The following CNTNAP3 variants were observed in gnomAD, a reference collection of about 807,000 sequenced individuals.
The protein encoded by CNTNAP3 is contactin-associated protein-like 3.
Under a neutral mutation model 92.1 loss-of-function variants are expected in CNTNAP3, and 36 were observed. That is an observed-to-expected ratio of 0.39 (90% CI 0.30 to 0.52). CNTNAP3 has a LOEUF of 0.52. Ranked by LOEUF, CNTNAP3 falls within the 20% of genes least tolerant of loss-of-function variation. The pLI is 0.76. For missense variants in CNTNAP3, 534 were observed against 1,069.6 expected (o/e 0.50, Z 6.98); for synonymous variants, 232 against 422.3 (o/e 0.55, Z 5.53).
In CNTNAP3 at chr9:39,132,927, C is replaced by T. The variant is rs770712561; in HGVS notation, c.2080+5G>A. On this transcript the variant is annotated splice_donor_5th_base_variant and intron_variant, in intron 13 of 23. Transcript: ENST00000297668. ...ACCCCTGTAGCCTCCAGGAGTGGCGCTTACCTCGTGAGTCCGGGCGCCGCG... is the reference window on the plus strand; with the variant it reads ...ACCCCTGTAGCCTCCAGGAGTGGCGTTTACCTCGTGAGTCCGGGCGCCGCG... The T allele has an allele frequency of 1.2e-5, 18 of 1,542,974 alleles. No individual in the cohort carries two copies. In the East Asian group the frequency reaches 4.1e-4, roughly 35 times the overall value.
Position 39,149,937 on chromosome 9 carries a change from G to A in CNTNAP3, c.1518C>T (p.Pro506=), listed in dbSNP as rs1452574312. Residue 506 remains proline, a synonymous_variant, in exon 10 of 24, where the codon CCC becomes CCT. Coordinates refer to ENST00000297668, the MANE Select transcript of CNTNAP3 (RefSeq NM_033655.5). ...TTAGGCAGCCCTGAAACCCTCCCAGGGGGCTTTTACATCCAGAGCCAGAGC... is the reference window on the plus strand; with the variant it reads ...TTAGGCAGCCCTGAAACCCTCCCAGAGGGCTTTTACATCCAGAGCCAGAGC... ...DNSSGSGCKS[P]LGGFQGCLRL... The A allele has an allele frequency of 6.2e-6, 10 of 1,611,552 alleles. No homozygotes were observed. The highest frequency in any genetic ancestry group is 3.3e-5 in the Admixed American group (2 of 59,944).
chr9:39,082,138 A>G (rs1401549680), intron 21 of CNTNAP3, among the ~76,000 whole-genome samples: 1 of 151,346 alleles, frequency 6.6e-6, no homozygotes, highest in Non-Finnish European at 1.5e-5. Flanking sequence ...TAAAATGTAA[A>G]ATTTAGTCCC....
At position 39,087,687 on chromosome 9, in the gene CNTNAP3, T is replaced by C. The variant is rs567412945; in HGVS notation, c.3220+736A>G. On this transcript the variant is annotated intron_variant, in intron 19 of 23. Transcript: ENST00000297668. The stretch of plus-strand genomic sequence containing the variant: ...ATTTTTAGTAGAGATGGGGTTTCAC[T>C]GTGTTAGCCAGGATGGTCTCGATTT... Among the ~76,000 whole-genome samples the C allele has an allele frequency of 9.5e-3, 1,404 of 148,046 alleles. 20 individuals are homozygous for C. Among genetic ancestry groups the C allele is most frequent in the African/African-American group, 0.027 (1,085 of 40,544 alleles).
At chr9:39,087,805 T>G (rs1257053767) in intron 19 of CNTNAP3, among the ~76,000 whole-genome samples, 2 of 152,100 alleles carry the variant, frequency 1.3e-5, no homozygotes, top group East Asian at 3.9e-4. Flanking sequence ...ATTTTGTAGA[T>G]TTTTTTCTAG....
chr9:39,066,774 G>T lies in CNTNAP3; in HGVS notation c.*7116C>A, dbSNP rs903338955. Among the ~76,000 whole-genome samples the T allele has an allele frequency of 1.3e-5, 2 of 152,304 alleles. No homozygotes were observed. The highest frequency in any genetic ancestry group is 4.8e-5 in the African/African-American group (2 of 41,486). Reference sequence around the variant, plus strand: ...TGTTTTTCTTCTCTGTGTAAGACTTGTCTTTTTCTCTTTACCACACTGAGT... The same window carrying T: ...TGTTTTTCTTCTCTGTGTAAGACTTTTCTTTTTCTCTTTACCACACTGAGT... On this transcript the variant is annotated 3_prime_UTR_variant, in exon 24 of 24. Transcript: ENST00000297668.
chr9:39,076,375 T>A (rs1461365181), intron 23 of CNTNAP3, among the ~76,000 whole-genome samples: 2 of 152,304 alleles, frequency 1.3e-5, no homozygotes, highest in Non-Finnish European at 2.9e-5. Context: ...TAGGATTGGA[T>A]TTGATTTAAA....
intron 10 of CNTNAP3, among the ~76,000 whole-genome samples, chr9:39,147,856 G>A (rs138919885): frequency 0.03 from 4,626 of 152,266 alleles, 126 homozygotes; most frequent in South Asian, 0.11. Flanking sequence ...TCTGAAAAGA[G>A]GCAGCCTCAC....
chr9:39,094,072 G>T (rs1826274429), intron 18 of CNTNAP3, among the ~76,000 whole-genome samples: 1 of 151,124 alleles, frequency 6.6e-6, no homozygotes, highest in African/African-American at 2.4e-5. Context: ...CAATCTAGTA[G>T]GTTTGAAGAG....
At position 39,065,193 on chromosome 9, in the gene CNTNAP3, G is replaced by T. The variant is rs1387856180; in HGVS notation, c.*8697C>A. On this transcript the variant is annotated 3_prime_UTR_variant, in exon 24 of 24. Coordinates refer to ENST00000297668, the MANE Select transcript of CNTNAP3 (RefSeq NM_033655.5). ...GGTAACTACTGATACAATTTCTACT[G>T]CTATATCTTAGTTTCGCTTGTTCTA... Among the ~76,000 whole-genome samples, 2 of 152,214 alleles carry T rather than the reference G, an allele frequency of 1.3e-5. No individual in the cohort carries two copies. Among genetic ancestry groups the T allele is most frequent in the Non-Finnish European group, 2.9e-5 (2 of 67,996 alleles).
In CNTNAP3 at chr9:39,065,643, A is replaced by G. The variant is rs1825494163; in HGVS notation, c.*8247T>C. Among the ~76,000 whole-genome samples, 1 of 152,218 alleles carries G rather than the reference A, an allele frequency of 6.6e-6. No homozygotes were observed. Among genetic ancestry groups the G allele is most frequent in the South Asian group, 2.1e-4 (1 of 4,832 alleles). ...ATTCTCAACAACACGTGGTACTGAC[A>G]ATATTTTTAATCATAACCATTTTAG... On this transcript the variant is annotated 3_prime_UTR_variant, in exon 24 of 24. Transcript: ENST00000297668.
At chr9:39,143,331 G>A (rs1821621673) in intron 11 of CNTNAP3, among the ~76,000 whole-genome samples, 1 of 152,092 alleles carries the variant, frequency 6.6e-6, no homozygotes, top group Non-Finnish European at 1.5e-5. Flanking sequence ...CATCTCCAGC[G>A]ATTCTGATTT....
chr9:39,125,251 C>T (rs924334204), intron 13 of CNTNAP3, among the ~76,000 whole-genome samples: 31 of 151,980 alleles, frequency 2.0e-4, no homozygotes, highest in African/African-American at 6.5e-4. Context: ...AGCAAACTAC[C>T]GCAAGGACAA....
At chr9:39,095,406 T>C (rs1826302666) in intron 18 of CNTNAP3, among the ~76,000 whole-genome samples, 1 of 151,526 alleles carries the variant, frequency 6.6e-6, no homozygotes, top group African/African-American at 2.4e-5. Flanking sequence ...GTGTTTCTTA[T>C]TTTACGGAAG....
chr9:39,106,811 C>A (rs557692831), intron 15 of CNTNAP3, among the ~76,000 whole-genome samples: 234 of 152,038 alleles, frequency 1.5e-3, no homozygotes, highest in African/African-American at 5.4e-3. Context: ...TACAAATTTC[C>A]AGGGGTTATT....
chr9:39,115,314 T>C (rs977605640), intron 14 of CNTNAP3, among the ~76,000 whole-genome samples: 13 of 151,946 alleles, frequency 8.6e-5, no homozygotes, highest in African/African-American at 1.2e-4. Flanking sequence ...ACCTCAGTAA[T>C]AGAAAATAAG....
intron 14 of CNTNAP3, among the ~76,000 whole-genome samples, chr9:39,110,824 CAT>C (rs1278092845): frequency 6.6e-6 from 1 of 152,200 alleles, no homozygotes; most frequent in Non-Finnish European, 1.5e-5. Context: ...TATTTTATCA[CAT>C]ATATGTCTCA....
At chr9:39,113,932 T>G (rs1301739325) in intron 14 of CNTNAP3, among the ~76,000 whole-genome samples, 18 of 151,786 alleles carry the variant, frequency 1.2e-4, no homozygotes, top group Admixed American at 6.6e-5. Context: ...TGGGTGTCAA[T>G]TTGCCTTTGC....
At chr9:39,095,037 C>T (rs962033791) in intron 18 of CNTNAP3, among the ~76,000 whole-genome samples, 12 of 140,388 alleles carry the variant, frequency 8.5e-5, no homozygotes, top group African/African-American at 3.1e-4. Context: ...TTTTCAATGT[C>T]TAAGTCTTTC....
intron 17 of CNTNAP3, 76 bp from the exon 18 acceptor site, chr9:39,100,226 G>T: frequency 3.4e-6 from 5 of 1,449,772 alleles, no homozygotes; most frequent in Non-Finnish European, 4.6e-6. Flanking sequence ...GTCAAACTCA[G>T]GCCTTATGGA....
Sources: allele counts gnomAD v4.1 joint callset (sites outside exome capture counted in the v4.1 genomes callset), GRCh38; gene constraint gnomAD v4.1.1; transcripts MANE v1.5; gene names NCBI Gene and HGNC (gene_info 2026-07-23, HGNC 2026-07-21).